DOK6: variants seen among roughly 807,000 people sequenced by gnomAD.
The protein encoded by DOK6 is docking protein 6.
Under a neutral mutation model 44.0 loss-of-function variants are expected in DOK6, and 22 were observed. The observed-to-expected ratio is 0.50, with a 90% CI of 0.36 to 0.71. DOK6 has a LOEUF of 0.71. DOK6 is among the 30% of genes least tolerant of loss of function. DOK6 has a pLI of 0.00. For missense variants in DOK6, 340 were observed against 416.4 expected, an observed-to-expected ratio of 0.82 and a Z score of 1.60; for synonymous variants, 166 against 145.5, an observed-to-expected ratio of 1.14 and a Z score of -1.01.
intron 1 of DOK6, among the ~76,000 whole-genome samples, chr18:69,536,813 A>C (rs1025750537): frequency 1.3e-5 from 2 of 151,928 alleles, no homozygotes; most frequent in Non-Finnish European, 2.9e-5. Context: ...ATTTTACAAG[A>C]GAGAATTAGA....
intron 1 of DOK6, among the ~76,000 whole-genome samples, chr18:69,478,412 C>T (rs1420551797): frequency 6.6e-6 from 1 of 152,058 alleles, no homozygotes; most frequent in East Asian, 1.9e-4. Flanking sequence ...CTTCCTTCTC[C>T]TCCTTTTTCT....
In DOK6 at chr18:69,564,614, G is replaced by A. The variant is rs202018653; in HGVS notation, c.174+20G>A. The A allele has an allele frequency of 2.1e-5, 34 of 1,584,696 alleles. No homozygotes were observed. The highest frequency in any genetic ancestry group is 2.8e-5 in the Non-Finnish European group (32 of 1,160,278). On this transcript the variant is annotated intron_variant, in intron 2 of 7. Transcript: ENST00000382713. Reference sequence around the variant, plus strand: ...CATAAGGTAAGTCACAGTCCTGGGAGTCCCTGGGGAATAACTGGGCCCTTG... The same window carrying A: ...CATAAGGTAAGTCACAGTCCTGGGAATCCCTGGGGAATAACTGGGCCCTTG...
chr18:69,622,461 A>G lies in DOK6; in HGVS notation c.289+22963A>G, dbSNP rs112521779. Reference sequence around the variant, plus strand: ...CAAAAGCATTTTTCTTTAGTGTGACACTAGAAATTCTGTGAAATAAGCAAC... The same window carrying G: ...CAAAAGCATTTTTCTTTAGTGTGACGCTAGAAATTCTGTGAAATAAGCAAC... On this transcript the variant is annotated intron_variant, in intron 3 of 7. Transcript: ENST00000382713. 2.1e-3 allele frequency among the ~76,000 whole-genome samples: 318 copies of G among 152,344 alleles called. 1 individual carries two copies. The highest frequency in any genetic ancestry group is 7.1e-3 in the African/African-American group (296 of 41,578).
intron 1 of DOK6, among the ~76,000 whole-genome samples, chr18:69,412,354 A>G (rs1247255741): frequency 6.6e-6 from 1 of 152,144 alleles, no homozygotes; most frequent in African/African-American, 2.4e-5. Context: ...ATCTACCTCC[A>G]TGGTAGCACT....
At chr18:69,437,921 G>A (rs1339138561) in intron 1 of DOK6, among the ~76,000 whole-genome samples, 2 of 152,170 alleles carry the variant, frequency 1.3e-5, no homozygotes, top group African/African-American at 2.4e-5. Flanking sequence ...TCTATTAAGT[G>A]TCAATATCAT....
chr18:69,531,178 A>G (rs2144573274), intron 1 of DOK6, among the ~76,000 whole-genome samples: 1 of 149,944 alleles, frequency 6.7e-6, no homozygotes, highest in African/African-American at 2.4e-5. Flanking sequence ...TCTCCTGAAT[A>G]CAGCACACTG....
chr18:69,467,933 A>T (rs1345363716), intron 1 of DOK6, among the ~76,000 whole-genome samples: 1 of 152,168 alleles, frequency 6.6e-6, no homozygotes, highest in Non-Finnish European at 1.5e-5. Context: ...ATTGTATTGT[A>T]AATAATAGCA....
In DOK6 at chr18:69,401,178, G is replaced by A. The variant is rs557591610; in HGVS notation, c.-67G>A. The A allele has an allele frequency of 4.1e-6, 6 of 1,475,668 alleles. No homozygotes were observed. The highest frequency in any genetic ancestry group is 5.4e-6 in the Non-Finnish European group (6 of 1,108,520). The allele number at this position is 1,475,668 out of a possible 1,614,324, so 91.4% of individuals were successfully genotyped here. A position where few individuals can be genotyped will look rare whatever the true frequency, so the allele number is the denominator to read the frequency against. The stretch of plus-strand genomic sequence containing the variant: ...TGGATGCGAGACCCGCGCAGACCCG[G>A]CGGCGGACGGCGGCTCTCGACTCCG... On this transcript the variant is annotated 5_prime_UTR_variant, in exon 1 of 8. Transcript: ENST00000382713.
chr18:69,496,967 T>A (rs188936103), intron 1 of DOK6, among the ~76,000 whole-genome samples: 4 of 152,286 alleles, frequency 2.6e-5, no homozygotes, highest in African/African-American at 9.6e-5. Context: ...AAAACATGAG[T>A]TAACACTGTT....
chr18:69,672,654 G>T (rs576789137), intron 3 of DOK6, among the ~76,000 whole-genome samples: 2 of 145,928 alleles, frequency 1.4e-5, no homozygotes, highest in African/African-American at 5.0e-5. Context: ...CACTGCGCCC[G>T]GCAGTGTTTG....
At chr18:69,607,914 A>G (rs542349580) in intron 3 of DOK6, among the ~76,000 whole-genome samples, 14 of 152,338 alleles carry the variant, frequency 9.2e-5, no homozygotes, top group African/African-American at 3.4e-4. Flanking sequence ...AATGTTAAAA[A>G]CTATAATGTG....
At chr18:69,636,883 T>C (rs1984822009) in intron 3 of DOK6, among the ~76,000 whole-genome samples, 1 of 152,220 alleles carries the variant, frequency 6.6e-6, no homozygotes, top group Admixed American at 6.5e-5. Context: ...AAAAAAAGGA[T>C]GCAAAGGCAA....
chr18:69,830,854 C>T (rs931166272), intron 7 of DOK6, among the ~76,000 whole-genome samples: 1 of 152,188 alleles, frequency 6.6e-6, no homozygotes, highest in African/African-American at 2.4e-5. Context: ...GCTTTGGCTT[C>T]TGTTTCCAGG....
chr18:69,582,289 T>C lies in DOK6; in HGVS notation c.175-17095T>C, dbSNP rs941495502. ...TATAGTTTGCTTGGGTTTTCTATGA[T>C]TTAAAGCTATACAAATTTCTAGCTG... On this transcript the variant is annotated intron_variant, in intron 2 of 7. Coordinates refer to ENST00000382713, the MANE Select transcript of DOK6 (RefSeq NM_152721.6). Among the ~76,000 whole-genome samples, 46 of 152,200 alleles carry C rather than the reference T, an allele frequency of 3.0e-4. 1 individual carries two copies. The highest frequency in any genetic ancestry group is 1.0e-4 in the Non-Finnish European group (7 of 68,032).
At chr18:69,691,617 G>A (rs754891954) in intron 4 of DOK6, among the ~76,000 whole-genome samples, 13 of 152,200 alleles carry the variant, frequency 8.5e-5, no homozygotes, top group Non-Finnish European at 1.9e-4. Context: ...TAGGATGCAA[G>A]ATGGGTCTGA....
At chr18:69,515,800 C>T (rs1981505004) in intron 1 of DOK6, among the ~76,000 whole-genome samples, 1 of 152,130 alleles carries the variant, frequency 6.6e-6, no homozygotes, top group African/African-American at 2.4e-5. Flanking sequence ...CATAGAATAA[C>T]AATATATACA....
chr18:69,700,216 C>CATATATATATATAT lies in DOK6; in HGVS notation c.599+1628_599+1641dup, dbSNP rs61078235. On this transcript the variant is annotated intron_variant, in intron 5 of 7. Transcript: ENST00000382713. ...TATCAGTTAGTTTTACATATATATA[C>CATATATATATATAT]ATATATATATATATATATGAATTGA... 6.4e-4 allele frequency among the ~76,000 whole-genome samples: 80 copies of CATATATATATATAT among 124,782 alleles called. 2 individuals are homozygous for CATATATATATATAT. The highest frequency in any genetic ancestry group is 4.3e-3 in the South Asian group (17 of 3,938). 81.9% of individuals were successfully genotyped at this position (124,782 alleles called of 152,430 possible).
rs374352462 is a variant in DOK6, at chr18:69,622,966, A to C, written c.289+23468A>C. 2.5e-3 allele frequency among the ~76,000 whole-genome samples: 376 copies of C among 152,268 alleles called. 1 individual carries two copies. The highest frequency in any genetic ancestry group is 0.024 in the Middle Eastern group (7 of 294). On this transcript the variant is annotated intron_variant, in intron 3 of 7. Coordinates refer to ENST00000382713, the MANE Select transcript of DOK6 (RefSeq NM_152721.6). ...ATTGCCATTTCACTATTTCCATGTG[A>C]TATGGTTTGGCTCTGGGTCCCCACC...
chr18:69,597,787 G>T (rs1402537676), intron 2 of DOK6, among the ~76,000 whole-genome samples: 1 of 151,082 alleles, frequency 6.6e-6, no homozygotes, highest in Non-Finnish European at 1.5e-5. Flanking sequence ...CATATCTGGA[G>T]ACTCAAAGTT....
Sources: allele counts gnomAD v4.1 joint callset (sites outside exome capture counted in the v4.1 genomes callset), GRCh38; gene constraint gnomAD v4.1.1; transcripts MANE v1.5; gene names NCBI Gene and HGNC (gene_info 2026-07-23, HGNC 2026-07-21).